ARHGEF4: variants seen among roughly 807,000 people sequenced by gnomAD.
ARHGEF4 encodes Rho guanine nucleotide exchange factor 4, also known as APC-stimulated guanine nucleotide exchange factor 1.
Under a neutral mutation model 162.0 loss-of-function variants are expected in ARHGEF4, and 119 were observed. The observed-to-expected ratio is 0.73, with a 90% CI of 0.63 to 0.86. The LOEUF is 0.86. Ranked by LOEUF, ARHGEF4 falls within the 40% of genes least tolerant of loss-of-function variation. The probability of loss-of-function intolerance (pLI) is 0.00; values close to 1 mark genes in which losing one functional copy is unlikely to be tolerated. For missense variants in ARHGEF4, 2,488 were observed against 2,456.0 expected (o/e 1.01, Z -0.28); for synonymous variants, 1,014 against 979.9 (o/e 1.03, Z -0.65).
At position 130,889,455 on chromosome 2, in the gene ARHGEF4, A is replaced by G. The variant is rs370475646; in HGVS notation, c.40-24531A>G. The stretch of plus-strand genomic sequence containing the variant: ...ATTGCTCTCCTTCTGTCTGAAATTC[A>G]TCCTTTAGATTTGCCTTAGTGAGAG... On this transcript the variant is annotated intron_variant, in intron 1 of 13. Coordinates refer to ENST00000409359, the MANE Select transcript of ARHGEF4 (RefSeq NM_001367493.1). 7.9e-5 allele frequency among the ~76,000 whole-genome samples: 12 copies of G among 152,060 alleles called. No individual in the cohort carries two copies. In the East Asian group the frequency reaches 2.3e-3, roughly 29 times the overall value.
chr2:130,866,910 C>A (rs1253326057), intron 1 of ARHGEF4, among the ~76,000 whole-genome samples: 1 of 152,176 alleles, frequency 6.6e-6, no homozygotes, highest in Non-Finnish European at 1.5e-5. Context: ...CTCTCTACTT[C>A]TGTTTTCTGG....
intron 1 of ARHGEF4, among the ~76,000 whole-genome samples, chr2:130,879,852 C>T (rs913857568): frequency 1.3e-5 from 2 of 152,138 alleles, no homozygotes; most frequent in African/African-American, 2.4e-5. Flanking sequence ...AACCTGAGCT[C>T]GCCGCAGCCT....
intron 1 of ARHGEF4, among the ~76,000 whole-genome samples, chr2:130,860,830 T>C (rs1421582630): frequency 1.1e-5 from 1 of 90,396 alleles, no homozygotes; most frequent in Non-Finnish European, 1.9e-5. Flanking sequence ...TTGTAACATA[T>C]GGAAACACAA....
At chr2:130,979,560 A>G (rs529791205) in intron 4 of ARHGEF4, among the ~76,000 whole-genome samples, 1 of 151,976 alleles carries the variant, frequency 6.6e-6, no homozygotes, top group African/African-American at 2.4e-5. Flanking sequence ...ACATGGTGAA[A>G]CCCCATGTCT....
chr2:130,984,863 T>A (rs1686375553), intron 4 of ARHGEF4, among the ~76,000 whole-genome samples: 1 of 152,094 alleles, frequency 6.6e-6, no homozygotes, highest in Non-Finnish European at 1.5e-5. Context: ...TTTTGGTTTT[T>A]GCAAACAAAA....
At position 131,044,458 on chromosome 2, in the gene ARHGEF4, T is replaced by A; in HGVS notation, c.5317T>A (p.Cys1773Ser). Residue 1773 changes from cysteine (C) to serine (S), a missense_variant, in exon 12 of 14, where the codon TGC becomes AGC. Cys to Ser is a moderately radical substitution (Grantham distance 112). Around this residue, in one of 6 missense-constraint regions of ARHGEF4, gnomAD observed 415 missense variants for 512.4 expected, o/e 0.81. Transcript: ENST00000409359. The stretch of plus-strand genomic sequence containing the variant: ...CGCCACAGGGGACAGCCACCTGCTG[T>A]GCACCAGGAAGCCCGAGCAGAAGCA... ...RGATGDSHLLCTRKPEQKQRW... is the reference protein window; with the variant it reads ...RGATGDSHLLSTRKPEQKQRW... The A allele has an allele frequency of 6.4e-7, 1 of 1,556,796 alleles. No homozygotes were observed. Among genetic ancestry groups the A allele is most frequent in the Non-Finnish European group, 8.7e-7 (1 of 1,150,188 alleles).
At chr2:130,950,264 G>A (rs190284590) in intron 4 of ARHGEF4, among the ~76,000 whole-genome samples, 20 of 152,294 alleles carry the variant, frequency 1.3e-4, no homozygotes, top group African/African-American at 4.8e-4. Context: ...TCAGCCTGAT[G>A]TGGGAGCAGG....
At chr2:131,033,041 T>C (rs970012331) in intron 5 of ARHGEF4, among the ~76,000 whole-genome samples, 4 of 151,970 alleles carry the variant, frequency 2.6e-5, no homozygotes, top group Non-Finnish European at 5.9e-5. Context: ...TTTGTAGAGA[T>C]GGAGTTTCAC....
chr2:130,964,773 A>G (rs1009397523), intron 4 of ARHGEF4, among the ~76,000 whole-genome samples: 11 of 151,978 alleles, frequency 7.2e-5, no homozygotes, highest in Non-Finnish European at 1.6e-4. Context: ...CTGGTCCTGG[A>G]CCCCTCTGAA....
At chr2:130,867,653 C>T (rs2104922002) in intron 1 of ARHGEF4, among the ~76,000 whole-genome samples, 1 of 152,344 alleles carries the variant, frequency 6.6e-6, no homozygotes, top group African/African-American at 2.4e-5. Context: ...ATTTCTCCCA[C>T]TTTCTGAGTG....
intron 1 of ARHGEF4, among the ~76,000 whole-genome samples, chr2:130,886,056 G>C (rs1371820105): frequency 6.6e-6 from 1 of 151,926 alleles, no homozygotes; most frequent in East Asian, 1.9e-4. Context: ...ATTTTATCAA[G>C]GCTCTTCTTT....
intron 4 of ARHGEF4, among the ~76,000 whole-genome samples, chr2:130,961,939 G>A (rs769357001): frequency 2.6e-5 from 4 of 152,044 alleles, no homozygotes; most frequent in Admixed American, 1.3e-4. Flanking sequence ...TCTTCCCAAG[G>A]ACAAGAAAGA....
intron 1 of ARHGEF4, among the ~76,000 whole-genome samples, chr2:130,838,620 GAAA>G (rs1558992320): frequency 6.6e-6 from 1 of 151,324 alleles, no homozygotes; most frequent in Non-Finnish European, 1.5e-5. Context: ...AAAAGAAAAA[GAAA>G]AGAAGGAAGG....
At chr2:130,989,960 T>C (rs1309824764) in intron 4 of ARHGEF4, among the ~76,000 whole-genome samples, 1 of 152,202 alleles carries the variant, frequency 6.6e-6, no homozygotes. Flanking sequence ...CCATGTTTAA[T>C]CTTTCTCCAG....
At chr2:130,873,037 T>C (rs1678591595) in intron 1 of ARHGEF4, among the ~76,000 whole-genome samples, 1 of 152,210 alleles carries the variant, frequency 6.6e-6, no homozygotes, top group African/African-American at 2.4e-5. Flanking sequence ...AAGGCAGGGC[T>C]GTGGGCACTC....
chr2:131,041,627 C>A, intron 9 of ARHGEF4, 165 bp downstream of exon 9: 1 of 1,101,724 alleles, frequency 9.1e-7, no homozygotes, highest in Non-Finnish European at 1.3e-6. Flanking sequence ...AGGATGCCAA[C>A]AGGATATTAA....
chr2:131,023,075 A>G (rs577235497), intron 4 of ARHGEF4, among the ~76,000 whole-genome samples: 626 of 38,472 alleles, frequency 0.016, 8 homozygotes, highest in African/African-American at 0.073. Flanking sequence ...ACCCTGTCTC[A>G]AAAAAAAAAA....
intron 2 of ARHGEF4, among the ~76,000 whole-genome samples, chr2:130,928,778 T>A (rs1363123058): frequency 6.6e-6 from 1 of 152,176 alleles, no homozygotes; most frequent in Non-Finnish European, 1.5e-5. Context: ...TGCTGCTCTT[T>A]TGGGAATACA....
chr2:130,977,141 A>G (rs1052409772), intron 4 of ARHGEF4, among the ~76,000 whole-genome samples: 5 of 150,404 alleles, frequency 3.3e-5, no homozygotes, highest in African/African-American at 1.2e-4. Flanking sequence ...ATGTCTGTGT[A>G]TGTTAGTGTG....
Sources: gnomAD v4.1 joint callset for allele counts (sites outside exome capture counted in the v4.1 genomes callset) on GRCh38, gnomAD v4.1.1 for gene constraint, gnomAD v4.1.1 regional missense constraint, MANE v1.5 for transcripts, NCBI Gene and HGNC (gene_info 2026-07-23, HGNC 2026-07-21) for gene names.